COL22A1: variants seen among roughly 807,000 people sequenced by gnomAD.
The protein encoded by COL22A1 is collagen alpha-1(XXII) chain.
In COL22A1, 221 loss-of-function variants were observed where a neutral mutation model predicts 248.9. The ratio of observed to expected loss-of-function variants is 0.89; its 90% CI spans 0.80 to 0.99. COL22A1 has a LOEUF of 0.99. Among genes scored for constraint, COL22A1 ranks in the 50% least tolerant of loss-of-function variants. COL22A1 has a pLI of 0.00. For synonymous variants in COL22A1, 891 were observed against 793.4 expected (o/e 1.12, Z -2.07); for missense variants, 2,240 against 2,179.0 (o/e 1.03, Z -0.56).
rs966338960 is a variant in COL22A1, at chr8:138,744,597, T to C, written c.2085+6861A>G. ...ATAAGTACCCTCACTACCTACAGCC[T>C]GGGTAACACTCAGTAATTTGATGTA... On this transcript the variant is annotated intron_variant, in intron 22 of 64. Coordinates refer to ENST00000303045, the MANE Select transcript of COL22A1 (RefSeq NM_152888.3). Among the ~76,000 whole-genome samples the C allele has an allele frequency of 4.6e-5, 7 of 152,154 alleles. No homozygotes were observed. In the South Asian group the frequency reaches 1.2e-3, roughly 27 times the overall value.
chr8:138,821,296 C>G lies in COL22A1; in HGVS notation c.1085G>C (p.Arg362Pro), dbSNP rs146329974. The change falls in exon 7 of 65, where the codon CGG becomes CCG. Residue 362 changes from arginine to proline, a missense_variant. Arg to Pro is a moderately radical substitution (Grantham distance 103). Transcript: ENST00000303045. Reference sequence around the variant, plus strand: ...GCTCAGGGCCATCTTGTGCCAGTCCCGGTCAAAGAGGTCATTGACCCGAGA... The same window carrying G: ...GCTCAGGGCCATCTTGTGCCAGTCCGGGTCAAAGAGGTCATTGACCCGAGA... ...RGSRVNDLFD[R>P]DWHKMALSIQ... 9 of 1,614,074 alleles carry G rather than the reference C, an allele frequency of 5.6e-6. No homozygotes were observed. In the Admixed American group the frequency reaches 1.5e-4, roughly 27 times the overall value.
chr8:138,619,423 T>C (rs1322177475), intron 53 of COL22A1, 32 bp downstream of exon 53: 1 of 1,608,800 alleles, frequency 6.2e-7, no homozygotes, highest in Admixed American at 1.7e-5. Context: ...TGGGCTTGGT[T>C]CTACCGTTCC....
At chr8:138,796,725 T>C (rs2131604971) in intron 12 of COL22A1, 94 bp downstream of exon 12, 1 of 886,310 alleles carries the variant, frequency 1.1e-6, no homozygotes, top group East Asian at 2.4e-5. Context: ...ACTCGAATTC[T>C]TTCCAGGCAA....
intron 36 of COL22A1, among the ~76,000 whole-genome samples, chr8:138,689,836 C>A (rs1382881383): frequency 1.3e-5 from 2 of 152,176 alleles, no homozygotes; most frequent in Non-Finnish European, 2.9e-5. Context: ...ACGCTCAGAG[C>A]GATGACAGCT....
chr8:138,902,215 C>A (rs1201962151), intron 1 of COL22A1, among the ~76,000 whole-genome samples: 4 of 152,164 alleles, frequency 2.6e-5, no homozygotes, highest in Admixed American at 2.6e-4. Context: ...GCCAGAGGAG[C>A]TGCTACCACA....
chr8:138,813,526 T>C (rs1818420036), intron 7 of COL22A1, among the ~76,000 whole-genome samples: 1 of 152,216 alleles, frequency 6.6e-6, no homozygotes, highest in South Asian at 2.1e-4. Context: ...CCTTTATAAA[T>C]TACTCAGTCT....
chr8:138,598,814 G>A lies in COL22A1; in HGVS notation c.4270C>T (p.His1424Tyr). 2 of 1,614,160 alleles carry A rather than the reference G, an allele frequency of 1.2e-6. No individual in the cohort carries two copies. The highest frequency in any genetic ancestry group is 1.1e-5 in the South Asian group (1 of 91,078). Reference protein sequence around the residue: ...GDPGIPGHKGHTGLMGPQGLP... With the variant: ...GDPGIPGHKGYTGLMGPQGLP... ...CCTTGGGGACCCATCAGGCCTGTGT[G>A]GCCTTTGTGGCCTGGGATTCCAGGG... Residue 1424 changes from histidine to tyrosine, a missense_variant, in exon 61 of 65, where the codon CAC becomes TAC. Transcript: ENST00000303045.
At chr8:138,661,935 C>G in intron 43 of COL22A1, 95 bp downstream of exon 43, 1 of 886,220 alleles carries the variant, frequency 1.1e-6, no homozygotes, top group Non-Finnish European at 1.7e-6. Context: ...CAAAGTTGGC[C>G]ACATGGTCAA....
rs1316986345 is a variant in COL22A1 at position 138,827,714 on chromosome 8, T to TC, written c.846-934dup. Among the ~76,000 whole-genome samples, 10 of 128,518 alleles carry TC rather than the reference T, an allele frequency of 7.8e-5. No individual in the cohort carries two copies. In the South Asian group the frequency reaches 1.9e-3, roughly 25 times the overall value. 84.3% of individuals were successfully genotyped at this position (128,518 alleles called of 152,430 possible). A position where few individuals can be genotyped will look rare whatever the true frequency, so the allele number is the denominator to read the frequency against. On this transcript the variant is annotated intron_variant, in intron 5 of 64. Transcript: ENST00000303045. ...TTAATTCCCTTCTATGGAGGCTCAA[T>TC]CCCCCCCACCGAGAACCAAGATGCC...
At chr8:138,607,738 G>A (rs555526919) in intron 57 of COL22A1, among the ~76,000 whole-genome samples, 198 bp downstream of exon 57, 1 of 152,270 alleles carries the variant, frequency 6.6e-6, no homozygotes, top group African/African-American at 2.4e-5. Flanking sequence ...TCAACAAAGA[G>A]CCAATCGCAT....
intron 19 of COL22A1, 25 bp downstream of exon 19, chr8:138,755,760 A>G: frequency 6.2e-7 from 1 of 1,613,484 alleles, no homozygotes. Flanking sequence ...ACCTGCATCC[A>G]TGATTCCAAC....
intron 53 of COL22A1, 108 bp from the exon 54 acceptor site, chr8:138,617,066 T>A: frequency 8.5e-7 from 1 of 1,172,394 alleles, no homozygotes; most frequent in South Asian, 1.2e-5. Context: ...CCGCTCATTC[T>A]TTACCATTTG....
rs373752145 is a variant in COL22A1, at chr8:138,716,839, G to A, written c.2386C>T (p.Arg796Ter). 37 of 1,610,874 alleles carry A rather than the reference G, an allele frequency of 2.3e-5. No homozygotes were observed. Among genetic ancestry groups the A allele is most frequent in the Non-Finnish European group, 3.0e-5 (35 of 1,177,228 alleles). The change falls in exon 28 of 65, where the codon CGA (arginine) becomes TGA (stop). Residue 796 changes from arginine to a stop codon, truncating the protein, a stop_gained. Coordinates refer to ENST00000303045, the MANE Select transcript of COL22A1 (RefSeq NM_152888.3). LOFTEE classifies it high-confidence loss of function. ...AACAAACAGACCTTCTCTCCAGGTCGGCCTGCCAGGCCCTGCTCCCCAATT... is the reference window on the plus strand; with the variant it reads ...AACAAACAGACCTTCTCTCCAGGTCAGCCTGCCAGGCCCTGCTCCCCAATT... The part of the protein sequence containing the change: ...GEIGEQGLAG[R>*]PGEKGEAGLP...
At chr8:138,728,358 GC>G in intron 23 of COL22A1, among the ~76,000 whole-genome samples, 2 of 152,190 alleles carry the variant, frequency 1.3e-5, no homozygotes, top group African/African-American at 4.8e-5. Context: ...GGGCCTCATA[GC>G]ACCCCAAGCC....
intron 1 of COL22A1, among the ~76,000 whole-genome samples, chr8:138,906,296 G>A (rs1420595695): frequency 6.6e-6 from 1 of 151,956 alleles, no homozygotes; most frequent in Non-Finnish European, 1.5e-5. Context: ...CGTGAACCCG[G>A]GAGGCGGAGC....
chr8:138,673,853 TGA>T (rs1825269687), intron 41 of COL22A1, among the ~76,000 whole-genome samples: 1 of 152,146 alleles, frequency 6.6e-6, no homozygotes, highest in Non-Finnish European at 1.5e-5. Context: ...CAGGGAAGGC[TGA>T]GAGTTTCTGG....
At chr8:138,887,042 T>C (rs1824720270) in intron 1 of COL22A1, among the ~76,000 whole-genome samples, 1 of 152,162 alleles carries the variant, frequency 6.6e-6, no homozygotes, top group South Asian at 2.1e-4. Flanking sequence ...CAAGCACTTA[T>C]CCTTCGAGTC....
chr8:138,695,186 C>T (rs528131136), intron 32 of COL22A1, among the ~76,000 whole-genome samples: 34 of 152,244 alleles, frequency 2.2e-4, no homozygotes, highest in African/African-American at 7.2e-4. Context: ...CTGTTATGGC[C>T]GCAGTTTTAC....
intron 3 of COL22A1, among the ~76,000 whole-genome samples, chr8:138,866,228 G>T (rs1458916832): frequency 6.6e-6 from 1 of 152,102 alleles, no homozygotes; most frequent in Non-Finnish European, 1.5e-5. Flanking sequence ...CACATTTCTG[G>T]GAAATCCCCA....
Sources: allele counts gnomAD v4.1 joint callset (sites outside exome capture counted in the v4.1 genomes callset), GRCh38; gene constraint gnomAD v4.1.1; transcripts MANE v1.5; gene names NCBI Gene and HGNC (gene_info 2026-07-23, HGNC 2026-07-21).